RAB33A: variants seen among roughly 807,000 people sequenced by gnomAD.
The protein encoded by RAB33A is ras-related protein Rab-33A.
A neutral mutation model predicts 12.0 loss-of-function variants in RAB33A; 6 were observed. The observed-to-expected ratio is 0.50, with a 90% CI of 0.27 to 0.99. The LOEUF is 0.99. Among genes scored for constraint, RAB33A ranks in the 50% least tolerant of loss-of-function variants. The probability of loss-of-function intolerance (pLI) is 0.11; values close to 1 mark genes in which losing one functional copy is unlikely to be tolerated. For missense variants in RAB33A, 109 were observed against 192.0 expected, an observed-to-expected ratio of 0.57 and a Z score of 2.55; for synonymous variants, 70 against 82.4, an observed-to-expected ratio of 0.85 and a Z score of 0.81.
chrX:130,182,323 A>G (rs1478002067), intron 1 of RAB33A, among the ~76,000 whole-genome samples: 1 of 107,840 alleles, frequency 9.3e-6, no homozygotes, highest in African/African-American at 3.3e-5. Flanking sequence ...AAAAATATTT[A>G]AAAAGAAGAA....
the RAB33A span, among the ~76,000 whole-genome samples, chrX:130,132,770 G>A: frequency 5.1e-5 from 5 of 98,042 alleles, no homozygotes; most frequent in South Asian, 5.0e-4. Context: ...TTTTTGAGAC[G>A]GAGTCTCGCT....
chrX:130,119,107 C>G, the RAB33A span, among the ~76,000 whole-genome samples: 1 of 111,306 alleles, frequency 9.0e-6, no homozygotes, highest in Non-Finnish European at 1.9e-5. Flanking sequence ...GAAACCAAAG[C>G]AATTCCACTC....
intron 1 of RAB33A, among the ~76,000 whole-genome samples, chrX:130,176,821 A>T (rs961251700): frequency 9.0e-6 from 1 of 111,460 alleles, no homozygotes; most frequent in African/African-American, 3.3e-5. Flanking sequence ...GTTTCTTTTA[A>T]ACTTTTCCCA....
upstream of RAB33A, among the ~76,000 whole-genome samples, chrX:130,170,834 G>A (rs899013596): frequency 2.7e-5 from 3 of 112,742 alleles, no homozygotes; most frequent in South Asian, 3.6e-4. Flanking sequence ...GGAATGGAAG[G>A]CACTGTGGAG....
At chrX:130,147,501 T>C in the RAB33A span, 101 of 1,210,423 alleles carry the variant, frequency 8.3e-5, no homozygotes, top group East Asian at 2.7e-3. Context: ...ACCTTCTCTC[T>C]TTTCCATTCC....
the RAB33A span, chrX:130,129,589 C>T: frequency 1.7e-6 from 2 of 1,211,099 alleles, no homozygotes. Flanking sequence ...AGTTTGGCTA[C>T]TTCATTGAGA....
the RAB33A span, chrX:130,137,488 G>C: frequency 8.6e-7 from 1 of 1,167,211 alleles, no homozygotes; most frequent in Non-Finnish European, 1.1e-6. Flanking sequence ...CTCTGAATAG[G>C]AAGCATCCTC....
In RAB33A at chrX:130,174,322, T is replaced by A. The variant is rs183972531; in HGVS notation, c.258+2002T>A. Among the ~76,000 whole-genome samples the A allele has an allele frequency of 1.3e-3, 145 of 111,860 alleles. 1 individual carries two copies. In the South Asian group the frequency reaches 0.014, roughly 11 times the overall value. Reference sequence around the variant, plus strand: ...AGGGGACAAAGCCTTGTGACACTGCTCATGGAGGAGTCCTCTGAGGGCAGA... The same window carrying A: ...AGGGGACAAAGCCTTGTGACACTGCACATGGAGGAGTCCTCTGAGGGCAGA... On this transcript the variant is annotated intron_variant, in intron 1 of 1. Coordinates refer to ENST00000257017, the MANE Select transcript of RAB33A (RefSeq NM_004794.3).
the RAB33A span, chrX:130,165,726 T>G: frequency 2.2e-6 from 2 of 914,309 alleles, no homozygotes; most frequent in African/African-American, 1.9e-5. Context: ...TCAAACACCG[T>G]GAGCCCCGGC....
At chrX:130,120,408 A>G in the RAB33A span, among the ~76,000 whole-genome samples, 1 of 110,720 alleles carries the variant, frequency 9.0e-6, no homozygotes, top group African/African-American at 3.3e-5. Context: ...TGTGCTGGAG[A>G]TGCGTTCTAA....
chrX:130,149,547 C>T, the RAB33A span: 1 of 1,208,095 alleles, frequency 8.3e-7, no homozygotes, highest in African/African-American at 1.7e-5. Context: ...CTTTTTTCAT[C>T]CTCTTTCATA....
At chrX:130,166,223 T>G in the RAB33A span, among the ~76,000 whole-genome samples, 2 of 111,693 alleles carry the variant, frequency 1.8e-5, no homozygotes, top group Non-Finnish European at 3.8e-5. Flanking sequence ...TTTCCATGAG[T>G]CCGAGGCGCG....
the RAB33A span, chrX:130,140,480 T>C: frequency 9.4e-7 from 1 of 1,066,854 alleles, no homozygotes; most frequent in Non-Finnish European, 1.3e-6. Context: ...GGCTGGACTC[T>C]AAAACTTGAA....
chrX:130,163,426 C>A, the RAB33A span, among the ~76,000 whole-genome samples: 1 of 111,132 alleles, frequency 9.0e-6, no homozygotes, highest in Non-Finnish European at 1.9e-5. Flanking sequence ...AAAAAGAAAT[C>A]AGATTAAAAG....
chrX:130,156,588 C>A, the RAB33A span: 5 of 1,211,346 alleles, frequency 4.1e-6, no homozygotes, highest in East Asian at 5.9e-5. Context: ...AACATGCCAT[C>A]GCTGGAACAA....
At chrX:130,144,792 T>A in the RAB33A span, among the ~76,000 whole-genome samples, 1 of 112,519 alleles carries the variant, frequency 8.9e-6, no homozygotes, top group Non-Finnish European at 1.9e-5. Flanking sequence ...TGTTTACACA[T>A]AGGGGACACT....
chrX:130,112,852 T>A, the RAB33A span, among the ~76,000 whole-genome samples: 3 of 110,529 alleles, frequency 2.7e-5, no homozygotes. Context: ...GATGACACAG[T>A]GAGACTCCAT....
chrX:130,136,142 T>C, the RAB33A span: 20 of 1,212,025 alleles, frequency 1.7e-5, no homozygotes, highest in Non-Finnish European at 2.2e-5. Context: ...CAACTCAACA[T>C]TGGGCTCCAG....
chrX:130,166,327 G>T, the RAB33A span, among the ~76,000 whole-genome samples: 1 of 111,209 alleles, frequency 9.0e-6, no homozygotes, highest in Non-Finnish European at 1.9e-5. Context: ...GTAATTCTGC[G>T]CTCTTCTTCC....
Sources: allele counts gnomAD v4.1 joint callset (sites outside exome capture counted in the v4.1 genomes callset), GRCh38; gene constraint gnomAD v4.1.1; transcripts MANE v1.5; gene names NCBI Gene and HGNC (gene_info 2026-07-23, HGNC 2026-07-21).